Variants in FRMPD4 observed in about 807,000 individuals in gnomAD.
The protein encoded by FRMPD4 is FERM and PDZ domain containing 4.
In FRMPD4, 22 loss-of-function variants were observed where a neutral mutation model predicts 94.1. That is an observed-to-expected ratio of 0.23 (90% confidence interval 0.17 to 0.33). The LOEUF is 0.33. Among genes scored for constraint, FRMPD4 ranks in the 10% least tolerant of loss-of-function variants. The pLI is 1.00. For missense variants in FRMPD4, 1,111 were observed against 1,339.9 expected (o/e 0.83, Z 2.67); for synonymous variants, 631 against 548.6 (o/e 1.15, Z -2.10).
chrX:12,346,310 G>A (rs2055709317), intron 1 of FRMPD4, among the ~76,000 whole-genome samples: 1 of 110,006 alleles, frequency 9.1e-6, no homozygotes, highest in South Asian at 3.9e-4. Flanking sequence ...TTGGGATTCT[G>A]TAAATAAAGG....
At chrX:12,320,275 A>G (rs1429079927) in intron 1 of FRMPD4, among the ~76,000 whole-genome samples, 1 of 111,613 alleles carries the variant, frequency 9.0e-6, no homozygotes, top group African/African-American at 3.3e-5. Context: ...CATTTTACAA[A>G]TGAGGGAAAT....
chrX:11,844,189 T>C (rs1601798586), intron 1 of FRMPD4, among the ~76,000 whole-genome samples: 1 of 102,282 alleles, frequency 9.8e-6, no homozygotes. Flanking sequence ...TGGAGACGAG[T>C]TTTCACTATG....
chrX:12,552,983 C>T (rs1232857069), intron 2 of FRMPD4, among the ~76,000 whole-genome samples: 3 of 111,215 alleles, frequency 2.7e-5, no homozygotes, highest in Non-Finnish European at 5.7e-5. Context: ...TGGAGAAACC[C>T]CATCTCTCCA....
At chrX:12,064,691 T>C (rs775789292) in intron 3 of FRMPD4, among the ~76,000 whole-genome samples, 18 of 111,974 alleles carry the variant, frequency 1.6e-4, no homozygotes, top group African/African-American at 5.8e-4. Flanking sequence ...GAAATCATCA[T>C]CCAGATTATT....
chrX:12,218,316 A>G (rs2056829159), intron 1 of FRMPD4, among the ~76,000 whole-genome samples: 1 of 112,031 alleles, frequency 8.9e-6, no homozygotes, highest in African/African-American at 3.2e-5. Context: ...CCTTGGCTAT[A>G]ACAACGAAAT....
At chrX:12,567,084 A>C (rs973546591) in intron 2 of FRMPD4, among the ~76,000 whole-genome samples, 1 of 111,174 alleles carries the variant, frequency 9.0e-6, no homozygotes, top group Non-Finnish European at 1.9e-5. Flanking sequence ...GGGAAAAAAA[A>C]CACTTTTTTT....
At chrX:12,034,427 G>C (rs1048492037) in intron 3 of FRMPD4, among the ~76,000 whole-genome samples, 18 of 112,031 alleles carry the variant, frequency 1.6e-4, no homozygotes, top group African/African-American at 5.8e-4. Flanking sequence ...AGTTTTTTCA[G>C]TGCTCCTTTT....
intron 3 of FRMPD4, among the ~76,000 whole-genome samples, chrX:12,007,643 C>T (rs1220163405): frequency 8.9e-6 from 1 of 111,876 alleles, no homozygotes; most frequent in African/African-American, 3.2e-5. Context: ...ATCATCCACA[C>T]ACTGTTGCCT....
chrX:12,072,226 A>G (rs2054975211), intron 3 of FRMPD4, among the ~76,000 whole-genome samples: 1 of 111,460 alleles, frequency 9.0e-6, no homozygotes, highest in African/African-American at 3.3e-5. Context: ...GCACATTTCT[A>G]TTTCTTTTTC....
chrX:12,581,565 CTGTT>C (rs2058866063), intron 2 of FRMPD4, among the ~76,000 whole-genome samples: 1 of 112,131 alleles, frequency 8.9e-6, no homozygotes. Context: ...CATTTATAAT[CTGTT>C]TATTAATTTT....
intron 3 of FRMPD4, among the ~76,000 whole-genome samples, chrX:12,062,434 A>AATTTTATTC (rs1230308409): frequency 9.0e-6 from 1 of 111,660 alleles, no homozygotes; most frequent in East Asian, 2.8e-4. Flanking sequence ...AATATTTTAT[A>AATTTTATTC]ATTTTATTCA....
At chrX:12,331,757 C>G (rs1266348464) in intron 1 of FRMPD4, among the ~76,000 whole-genome samples, 1 of 47,464 alleles carries the variant, frequency 2.1e-5, no homozygotes, top group Non-Finnish European at 3.6e-5. Flanking sequence ...TATTTATATA[C>G]TATATATAAA....
chrX:12,074,628 CAACAT>C (rs2054997315), intron 3 of FRMPD4, among the ~76,000 whole-genome samples: 1 of 112,101 alleles, frequency 8.9e-6, no homozygotes, highest in Admixed American at 9.5e-5. Flanking sequence ...TCCTTCAACA[CAACAT>C]ATTATTGATT....
At chrX:12,121,698 G>C (rs1194039803) in intron 3 of FRMPD4, among the ~76,000 whole-genome samples, 1 of 111,767 alleles carries the variant, frequency 8.9e-6, no homozygotes, top group Admixed American at 9.5e-5. Flanking sequence ...AAGCTGAACT[G>C]TGTACTTGGT....
rs58251577 is a variant in FRMPD4 at position 12,123,123 on chromosome X, CTTTTTTTT to C, written c.95+245116_95+245123del. On this transcript the variant is annotated intron_variant, in intron 3 of 18. Transcript: ENST00000640291. ...TAGAGTCATAGCTTGATTTTCTTTT[CTTTTTTTT>C]TTTTTTTTTTGTTTGTTTGTTTTTT... Among the ~76,000 whole-genome samples, 26 of 84,311 alleles carry C rather than the reference CTTTTTTTT, an allele frequency of 3.1e-4. No homozygotes were observed. In the East Asian group the frequency reaches 8.9e-3, roughly 29 times the overall value. 73.2% of individuals were successfully genotyped at this position (84,311 alleles called of 115,157 possible). A position where few individuals can be genotyped will look rare whatever the true frequency, so the allele number is the denominator to read the frequency against.
chrX:11,890,975 C>T (rs1359243545), intron 3 of FRMPD4, among the ~76,000 whole-genome samples: 1 of 112,906 alleles, frequency 8.9e-6, no homozygotes, highest in East Asian at 2.8e-4. Flanking sequence ...ATGTGTGCTG[C>T]TCCCTGTTCC....
intron 1 of FRMPD4, among the ~76,000 whole-genome samples, chrX:12,254,805 A>T (rs952742315): frequency 8.9e-6 from 1 of 111,911 alleles, no homozygotes; most frequent in Admixed American, 9.5e-5. Flanking sequence ...AGCCTTGCCA[A>T]CATATTGATC....
At chrX:11,844,672 C>G (rs1347631677) in intron 1 of FRMPD4, among the ~76,000 whole-genome samples, 1 of 111,480 alleles carries the variant, frequency 9.0e-6, no homozygotes, top group East Asian at 2.8e-4. Context: ...TTTCTGTTTG[C>G]CTTTTTGTCA....
intron 1 of FRMPD4, among the ~76,000 whole-genome samples, chrX:12,250,958 G>A (rs916157663): frequency 8.9e-6 from 1 of 111,820 alleles, no homozygotes; most frequent in Admixed American, 9.5e-5. Flanking sequence ...GCACCAAAGC[G>A]CCCAGCTGAG....
Sources: allele counts gnomAD v4.1 joint callset (sites outside exome capture counted in the v4.1 genomes callset), GRCh38; gene constraint gnomAD v4.1.1; transcripts MANE v1.5; gene names NCBI Gene and HGNC (gene_info 2026-07-23, HGNC 2026-07-21).